Variants in ADGRB3 observed in about 807,000 individuals in gnomAD.
ADGRB3 encodes brain-specific angiogenesis inhibitor 3.
A neutral mutation model predicts 193.4 loss-of-function variants in ADGRB3; 37 were observed. That is an observed-to-expected ratio of 0.19 (90% CI 0.15 to 0.25). The LOEUF is 0.25. ADGRB3 is among the 10% of genes least tolerant of loss of function. The probability of loss-of-function intolerance (pLI) is 1.00; values close to 1 mark genes in which losing one functional copy is unlikely to be tolerated. For missense variants in ADGRB3, 1,637 were observed against 1,852.9 expected (o/e 0.88, Z 2.14); for synonymous variants, 690 against 644.2 (o/e 1.07, Z -1.08).
chr6:68,671,778 A>C (rs1768967080), intron 3 of ADGRB3, among the ~76,000 whole-genome samples: 1 of 151,992 alleles, frequency 6.6e-6, no homozygotes, highest in African/African-American at 2.4e-5. Context: ...TACTGGCCAC[A>C]TAGAATAAGT....
At chr6:69,297,340 A>ATATCTC (rs535317410) in intron 20 of ADGRB3, among the ~76,000 whole-genome samples, 4 of 111,912 alleles carry the variant, frequency 3.6e-5, no homozygotes, top group African/African-American at 7.2e-5. Context: ...TTCTACTGAT[A>ATATCTC]TCTCTCTCTC....
intron 29 of ADGRB3, among the ~76,000 whole-genome samples, chr6:69,371,635 G>A (rs999767048): frequency 3.9e-5 from 6 of 151,930 alleles, no homozygotes; most frequent in African/African-American, 1.2e-4. Context: ...CATATCACAT[G>A]AAATATATTA....
intron 17 of ADGRB3, among the ~76,000 whole-genome samples, chr6:69,132,637 C>A (rs561303252): frequency 1.3e-5 from 2 of 152,002 alleles, no homozygotes; most frequent in African/African-American, 4.8e-5. Context: ...TAATTAGATC[C>A]GATTTGTCTA....
At chr6:69,303,574 C>T (rs373921624) in intron 20 of ADGRB3, among the ~76,000 whole-genome samples, 4 of 151,992 alleles carry the variant, frequency 2.6e-5, no homozygotes, top group East Asian at 2.0e-4. Context: ...CCTGCATTCC[C>T]GCACATTCAG....
chr6:68,813,260 C>T (rs1300668023), intron 3 of ADGRB3, among the ~76,000 whole-genome samples: 3 of 152,114 alleles, frequency 2.0e-5, no homozygotes, highest in African/African-American at 4.8e-5. Context: ...TGTGAGGCCT[C>T]CCCAGCCATT....
intron 3 of ADGRB3, among the ~76,000 whole-genome samples, chr6:68,912,322 T>C (rs1457687938): frequency 6.6e-6 from 1 of 151,928 alleles, no homozygotes; most frequent in East Asian, 1.9e-4. Flanking sequence ...GCTTCATTAA[T>C]AATGTATATT....
intron 3 of ADGRB3, among the ~76,000 whole-genome samples, chr6:68,897,357 C>T (rs1386773419): frequency 2.9e-5 from 4 of 138,330 alleles, no homozygotes; most frequent in Non-Finnish European, 6.1e-5. Context: ...GTTATTTCGT[C>T]TTAAAAGAAA....
At chr6:68,706,101 G>T (rs1765322108) in intron 3 of ADGRB3, among the ~76,000 whole-genome samples, 1 of 152,150 alleles carries the variant, frequency 6.6e-6, no homozygotes, top group Non-Finnish European at 1.5e-5. Flanking sequence ...GAGGTTGAAA[G>T]GTCTAGATGT....
chr6:69,269,947 G>GATA (rs763944601), intron 20 of ADGRB3, among the ~76,000 whole-genome samples: 11 of 152,158 alleles, frequency 7.2e-5, no homozygotes, highest in Non-Finnish European at 1.5e-4. Context: ...TGTAAAATTA[G>GATA]ATACTTGAAA....
At chr6:69,084,316 A>G (rs925197496) in intron 17 of ADGRB3, among the ~76,000 whole-genome samples, 3 of 152,204 alleles carry the variant, frequency 2.0e-5, no homozygotes, top group Non-Finnish European at 4.4e-5. Flanking sequence ...AGAGATCTTT[A>G]TTTATTACAA....
chr6:68,712,370 C>CT (rs1002580871), intron 3 of ADGRB3, among the ~76,000 whole-genome samples: 37 of 152,080 alleles, frequency 2.4e-4, no homozygotes, highest in African/African-American at 8.7e-4. Context: ...ATTTTAAACT[C>CT]TTTTTTGCAT....
intron 10 of ADGRB3, among the ~76,000 whole-genome samples, chr6:68,980,401 CAG>C (rs1768874276): frequency 6.6e-6 from 1 of 151,474 alleles, no homozygotes. Flanking sequence ...GAGAAAGAGA[CAG>C]AAAGTAGGAG....
intron 3 of ADGRB3, among the ~76,000 whole-genome samples, chr6:68,808,355 C>T (rs942683165): frequency 3.3e-5 from 5 of 151,778 alleles, no homozygotes; most frequent in African/African-American, 4.8e-5. Flanking sequence ...GAACAGTTCT[C>T]GGACTCACAG....
intron 3 of ADGRB3, among the ~76,000 whole-genome samples, chr6:68,701,483 A>T (rs1194440974): frequency 6.6e-6 from 1 of 152,206 alleles, no homozygotes; most frequent in Non-Finnish European, 1.5e-5. Context: ...CTGAGTTAAT[A>T]TGTAACACGA....
At chr6:68,792,239 T>C (rs987865055) in intron 3 of ADGRB3, among the ~76,000 whole-genome samples, 2 of 152,178 alleles carry the variant, frequency 1.3e-5, no homozygotes, top group Non-Finnish European at 2.9e-5. Flanking sequence ...TAGACATCTT[T>C]AATGGTCAGG....
chr6:69,290,740 G>C (rs1048854469), intron 20 of ADGRB3, among the ~76,000 whole-genome samples: 5 of 152,026 alleles, frequency 3.3e-5, no homozygotes, highest in Non-Finnish European at 7.4e-5. Flanking sequence ...AAGTTTTCTA[G>C]CCATATGTCT....
intron 3 of ADGRB3, among the ~76,000 whole-genome samples, chr6:68,714,764 TTTAA>T (rs1281603419): frequency 6.6e-6 from 1 of 151,772 alleles, no homozygotes; most frequent in African/African-American, 2.4e-5. Context: ...TATCTGCTAG[TTTAA>T]TATAGTCAAT....
chr6:68,831,267 C>A (rs1004701944), intron 3 of ADGRB3, among the ~76,000 whole-genome samples: 1 of 132,068 alleles, frequency 7.6e-6, no homozygotes, highest in African/African-American at 2.9e-5. Context: ...CTCACTTAGG[C>A]GGCGGGAAAA....
intron 17 of ADGRB3, among the ~76,000 whole-genome samples, chr6:69,222,998 G>A (rs914691797): frequency 6.6e-6 from 1 of 151,892 alleles, no homozygotes; most frequent in African/African-American, 2.4e-5. Context: ...TCATTTAAAA[G>A]TGCTTACATA....
Sources: gnomAD v4.1 joint callset for allele counts (sites outside exome capture counted in the v4.1 genomes callset) on GRCh38, gnomAD v4.1.1 for gene constraint, MANE v1.5 for transcripts, NCBI Gene and HGNC (gene_info 2026-07-23, HGNC 2026-07-21) for gene names.